Variants in RPN1 observed in about 807,000 individuals in gnomAD.
RPN1 encodes the protein ribophorin I.
Under a neutral mutation model 55.5 loss-of-function variants are expected in RPN1, and 12 were observed. That is an observed-to-expected ratio of 0.22 (90% CI 0.14 to 0.35). RPN1 has a LOEUF of 0.35. RPN1 is among the 10% of genes least tolerant of loss of function. RPN1 has a pLI of 1.00. For missense variants in RPN1, 679 were observed against 761.3 expected (o/e 0.89, Z 1.27); for synonymous variants, 317 against 305.9 (o/e 1.04, Z -0.38).
At position 128,640,178 on chromosome 3, in the gene RPN1, G is replaced by A. The variant is rs373205869; in HGVS notation, c.327-2073C>T. 5.3e-4 allele frequency among the ~76,000 whole-genome samples: 80 copies of A among 151,140 alleles called. 4 individuals carry two copies. In the East Asian group the frequency reaches 8.6e-3, roughly 16 times the overall value. ...CGGAGCGAGAATCCATCTCAAAAAA[G>A]GAAAAAAAAGAAAAACAGATGGCCT... On this transcript the variant is annotated intron_variant, in intron 2 of 9. Coordinates refer to ENST00000296255, the MANE Select transcript of RPN1 (RefSeq NM_002950.4).
chr3:128,637,740 C>A, intron 3 of RPN1, 59 bp downstream of exon 3: 2 of 1,540,388 alleles, frequency 1.3e-6, no homozygotes, highest in South Asian at 1.2e-5. Context: ...AACCAGTAGT[C>A]ACTCTGCAAG....
intron 8 of RPN1, among the ~76,000 whole-genome samples, chr3:128,623,648 T>G (rs1339704878): frequency 6.6e-6 from 1 of 152,188 alleles, no homozygotes; most frequent in Non-Finnish European, 1.5e-5. Context: ...AGTTTGAGGC[T>G]GCAGTGAGCT....
At chr3:128,622,542 A>C in intron 8 of RPN1, 133 bp from the exon 9 acceptor site, 1 of 1,107,820 alleles carries the variant, frequency 9.0e-7, no homozygotes, top group Non-Finnish European at 1.3e-6. Context: ...TCAAAGTCAA[A>C]CCCCTACTGA....
At chr3:128,640,082 G>A (rs761901171) in intron 2 of RPN1, among the ~76,000 whole-genome samples, 7 of 152,212 alleles carry the variant, frequency 4.6e-5, no homozygotes, top group African/African-American at 1.7e-4. Context: ...TGAGACAGGA[G>A]AATTGCTTGA....
chr3:128,645,447 A>G (rs540563124), intron 1 of RPN1, among the ~76,000 whole-genome samples: 144 of 151,648 alleles, frequency 9.5e-4, no homozygotes, highest in Non-Finnish European at 1.5e-3. Context: ...TCCAGCCTGC[A>G]TAACAAGAGC....
chr3:128,634,563 CTTTTTT>C (rs374113354), intron 3 of RPN1, among the ~76,000 whole-genome samples: 1 of 135,646 alleles, frequency 7.4e-6, no homozygotes, highest in Non-Finnish European at 1.6e-5. Flanking sequence ...CTCCATAAAC[CTTTTTT>C]TTTTTTTTTT....
rs562046413 is a variant in RPN1, at chr3:128,620,402, G to C, written c.*9C>G. 1.2e-6 allele frequency: 2 copies of C among 1,605,616 alleles called. No individual in the cohort carries two copies. The highest frequency in any genetic ancestry group is 2.2e-5 in the South Asian group (2 of 90,370). On this transcript the variant is annotated 3_prime_UTR_variant, in exon 10 of 10. Transcript: ENST00000296255. ...GCACCCTGGGCCCCCTGGAGGATGC[G>C]GGCAGGGGCTACAGGGCATCCAGGA...
At chr3:128,627,431 G>A (rs1401962261) in intron 5 of RPN1, among the ~76,000 whole-genome samples, 5 of 152,094 alleles carry the variant, frequency 3.3e-5, no homozygotes, top group African/African-American at 1.2e-4. Flanking sequence ...CAGAGATCTG[G>A]GAAGGTACAA....
intron 8 of RPN1, among the ~76,000 whole-genome samples, chr3:128,624,047 C>T (rs775621322): frequency 2.6e-5 from 4 of 151,996 alleles, no homozygotes; most frequent in Non-Finnish European, 5.9e-5. Context: ...CCCCCGCCCC[C>T]CCGCATCTCC....
intron 8 of RPN1, among the ~76,000 whole-genome samples, chr3:128,624,250 C>A (rs922721814): frequency 6.6e-6 from 1 of 152,042 alleles, no homozygotes; most frequent in African/African-American, 2.4e-5. Context: ...TTTGGGAGGC[C>A]GAGGCGGGTG....
At chr3:128,646,598 A>G (rs2069770445) in intron 1 of RPN1, among the ~76,000 whole-genome samples, 1 of 151,910 alleles carries the variant, frequency 6.6e-6, no homozygotes, top group African/African-American at 2.4e-5. Flanking sequence ...AGGCAGGAGA[A>G]TTGCTTGAAC....
chr3:128,645,887 T>C (rs1280677916), intron 1 of RPN1, among the ~76,000 whole-genome samples: 1 of 152,144 alleles, frequency 6.6e-6, no homozygotes, highest in Non-Finnish European at 1.5e-5. Context: ...GGCCTCTTTC[T>C]TGATGCTTTT....
intron 4 of RPN1, among the ~76,000 whole-genome samples, chr3:128,631,355 G>C (rs1006863715): frequency 6.6e-6 from 1 of 151,706 alleles, no homozygotes. Context: ...GTGCATGCCT[G>C]TAATCCCAGC....
At chr3:128,623,033 G>A (rs2069572255) in intron 8 of RPN1, among the ~76,000 whole-genome samples, 1 of 152,140 alleles carries the variant, frequency 6.6e-6, no homozygotes, top group South Asian at 2.1e-4. Context: ...TAATCAGCAG[G>A]AAACATTAGA....
intron 3 of RPN1, among the ~76,000 whole-genome samples, chr3:128,634,648 C>T (rs1436308761): frequency 1.3e-5 from 2 of 151,484 alleles, no homozygotes; most frequent in African/African-American, 2.4e-5. Flanking sequence ...CTGCAACTTC[C>T]ACCTCCCAGG....
intron 3 of RPN1, among the ~76,000 whole-genome samples, chr3:128,637,421 C>G (rs2069688967): frequency 6.6e-6 from 1 of 152,114 alleles, no homozygotes; most frequent in Admixed American, 6.6e-5. Flanking sequence ...CTCCCTCTCT[C>G]TTCAAGTTCC....
intron 3 of RPN1, among the ~76,000 whole-genome samples, chr3:128,636,974 T>C (rs1336511455): frequency 6.6e-6 from 1 of 152,164 alleles, no homozygotes. Context: ...CCATGGCTCA[T>C]GCCTGTAATC....
chr3:128,629,207 C>G (rs2069624208), intron 5 of RPN1, among the ~76,000 whole-genome samples: 1 of 152,064 alleles, frequency 6.6e-6, no homozygotes, highest in African/African-American at 2.4e-5. Flanking sequence ...CATAATAATT[C>G]ACTGAGCTAT....
intron 2 of RPN1, among the ~76,000 whole-genome samples, chr3:128,639,296 C>CA (rs1232863227): frequency 8.7e-4 from 130 of 149,194 alleles, no homozygotes; most frequent in African/African-American, 3.1e-3. Flanking sequence ...ACTAAAAATA[C>CA]AAAAAAAAAT....
Sources: allele counts gnomAD v4.1 joint callset (sites outside exome capture counted in the v4.1 genomes callset), GRCh38; gene constraint gnomAD v4.1.1; transcripts MANE v1.5; gene names NCBI Gene and HGNC (gene_info 2026-07-23, HGNC 2026-07-21).